KNL1: variants seen among roughly 807,000 people sequenced by gnomAD.
KNL1 encodes the protein outer kinetochore KNL1 complex subunit KNL1.
Under a neutral mutation model 201.3 loss-of-function variants are expected in KNL1, and 66 were observed. That is an observed-to-expected ratio of 0.33 (90% CI 0.27 to 0.40). KNL1 has a LOEUF of 0.40. KNL1 is among the 10% of genes least tolerant of loss of function. The pLI, the probability that KNL1 is intolerant of heterozygous loss-of-function variation, is 1.00. For missense variants in KNL1, 2,815 were observed against 2,690.5 expected, an observed-to-expected ratio of 1.05 and a Z score of -1.02; for synonymous variants, 895 against 899.2, an observed-to-expected ratio of 1.00 and a Z score of 0.08.
At chr15:40,656,700 A>G (rs978571427) in intron 22 of KNL1, among the ~76,000 whole-genome samples, 3 of 152,086 alleles carry the variant, frequency 2.0e-5, no homozygotes, top group African/African-American at 7.2e-5. Flanking sequence ...AGTCTGTCCA[A>G]AATGGTGAAG....
At chr15:40,642,360 C>G (rs1047650158) in intron 14 of KNL1, among the ~76,000 whole-genome samples, 3 of 151,092 alleles carry the variant, frequency 2.0e-5, no homozygotes, top group African/African-American at 7.3e-5. Context: ...GATCGCACCA[C>G]TGCACTCCAG....
chr15:40,636,254 A>G (rs926942547), intron 13 of KNL1, among the ~76,000 whole-genome samples: 12 of 152,192 alleles, frequency 7.9e-5, no homozygotes, highest in Non-Finnish European at 1.6e-4. Flanking sequence ...GGCTTTACAC[A>G]TGGTGCTGAA....
chr15:40,605,615 A>C (rs191277666), intron 3 of KNL1, among the ~76,000 whole-genome samples: 4 of 152,136 alleles, frequency 2.6e-5, no homozygotes, highest in Admixed American at 1.3e-4. Context: ...CGTGTGGCTA[A>C]TTTTTTTATT....
At chr15:40,613,747 C>T (rs796363146) in intron 7 of KNL1, among the ~76,000 whole-genome samples, 3 of 151,964 alleles carry the variant, frequency 2.0e-5, no homozygotes, top group African/African-American at 7.2e-5. Context: ...GCTAGGACTA[C>T]AGGTGTGCAC....
chr15:40,622,259 G>A lies in KNL1; in HGVS notation c.1995G>A (p.Glu665=), dbSNP rs766719626. Residue 665 remains glutamate, a synonymous_variant, in exon 10 of 26, where the codon GAG becomes GAA. Coordinates refer to ENST00000399668, the MANE Select transcript of KNL1 (RefSeq NM_144508.5). ...DSPQSADCNQ[E]IATSHNIVYC... Reference sequence around the variant, plus strand: ...CTCAGTCAGCTGATTGTAATCAGGAGATAGCAACAAGCCATAATATAGTCT... The same window carrying A: ...CTCAGTCAGCTGATTGTAATCAGGAAATAGCAACAAGCCATAATATAGTCT... 1 of 1,613,964 alleles carries A rather than the reference G, an allele frequency of 6.2e-7. No homozygotes were observed. The highest frequency in any genetic ancestry group is 8.5e-7 in the Non-Finnish European group (1 of 1,179,948).
chr15:40,606,043 A>T (rs1266374134), intron 3 of KNL1, among the ~76,000 whole-genome samples: 3 of 152,202 alleles, frequency 2.0e-5, no homozygotes. Flanking sequence ...TGTTAGCTTG[A>T]TTATCCTGAT....
chr15:40,662,845 A>C lies in KNL1; in HGVS notation c.*657A>C, dbSNP rs1595955115. ...CATGGTGGCTTGCGCCTGTGGTCCCAGCTACTTAGGAGCTTAAGGCAGGAG... is the reference window on the plus strand; with the variant it reads ...CATGGTGGCTTGCGCCTGTGGTCCCCGCTACTTAGGAGCTTAAGGCAGGAG... On this transcript the variant is annotated 3_prime_UTR_variant, in exon 26 of 26. Transcript: ENST00000399668. 5.7e-6 allele frequency: 1 copy of C among 175,292 alleles called. No individual in the cohort carries two copies. The highest frequency in any genetic ancestry group is 9.8e-5 in the East Asian group (1 of 10,190). The allele number at this position is 175,292 out of a possible 1,614,324, so 10.9% of individuals were successfully genotyped here. A position where few individuals can be genotyped will look rare whatever the true frequency, so the allele number is the denominator to read the frequency against.
Position 40,645,139 on chromosome 15 carries a change from T to C in KNL1, c.5889+52T>C, listed in dbSNP as rs182012354. On this transcript the variant is annotated intron_variant, in intron 15 of 25. Coordinates refer to ENST00000399668, the MANE Select transcript of KNL1 (RefSeq NM_144508.5). ...GAATCAGTGAAGACATTCTGAACGA[T>C]GTTTATTGTGAAATGAGTAACTGTT... 5.5e-4 allele frequency: 673 copies of C among 1,231,240 alleles called. 5 individuals carry two copies. The African/African-American group carries it at 8.7e-3, about 16-fold the overall frequency. 76.3% of individuals were successfully genotyped at this position (1,231,240 alleles called of 1,614,324 possible). A position where few individuals can be genotyped will look rare whatever the true frequency, so the allele number is the denominator to read the frequency against.
chr15:40,654,801 T>C, intron 21 of KNL1, 108 bp from the exon 22 acceptor site: 1 of 730,064 alleles, frequency 1.4e-6, no homozygotes, highest in African/African-American at 1.8e-5. Context: ...CCTGGGAGGC[T>C]GAGCTTGCAG....
At chr15:40,607,408 A>G (rs1892011346) in intron 4 of KNL1, among the ~76,000 whole-genome samples, 2 of 152,210 alleles carry the variant, frequency 1.3e-5, no homozygotes, top group African/African-American at 4.8e-5. Context: ...GGCTACCTGT[A>G]GCATCTTCTA....
At chr15:40,606,078 C>A (rs1025491482) in intron 3 of KNL1, among the ~76,000 whole-genome samples, 7 of 152,144 alleles carry the variant, frequency 4.6e-5, no homozygotes, top group South Asian at 2.1e-4. Flanking sequence ...CATTCCTGAA[C>A]AAATCATCAT....
chr15:40,619,474 T>G (rs535432629), intron 9 of KNL1, among the ~76,000 whole-genome samples: 2 of 152,086 alleles, frequency 1.3e-5, no homozygotes, highest in African/African-American at 4.8e-5. Flanking sequence ...CAATCTTGGC[T>G]CATTGCAGCC....
intron 9 of KNL1, 79 bp downstream of exon 9, chr15:40,619,090 C>T (rs1016917762): frequency 9.0e-6 from 9 of 996,402 alleles, no homozygotes; most frequent in Admixed American, 1.7e-5. Context: ...ATGATAATGG[C>T]ATAGTTTAGG....
At chr15:40,619,078 C>A in intron 9 of KNL1, 67 bp downstream of exon 9, 2 of 1,055,806 alleles carry the variant, frequency 1.9e-6, no homozygotes, top group Non-Finnish European at 3.0e-6. Context: ...AAACACAATT[C>A]AATGATAATG....
intron 17 of KNL1, 43 bp downstream of exon 17, chr15:40,647,117 A>G (rs1016394324): frequency 8.5e-6 from 8 of 936,876 alleles, no homozygotes; most frequent in East Asian, 2.4e-5. Flanking sequence ...ATTTAATTTT[A>G]TCTAAATGCT....
chr15:40,629,233 C>A, intron 12 of KNL1, 40 bp from the exon 13 acceptor site: 1 of 1,163,204 alleles, frequency 8.6e-7, no homozygotes, highest in Non-Finnish European at 1.2e-6. Flanking sequence ...AAAGTGAAAT[C>A]ACATTGAATG....
At chr15:40,600,472 T>G (rs999946861) in intron 1 of KNL1, among the ~76,000 whole-genome samples, 1 of 152,230 alleles carries the variant, frequency 6.6e-6, no homozygotes. Flanking sequence ...AAGTTAAATT[T>G]TGATCTCCCA....
chr15:40,659,960 G>C (rs899636264), intron 25 of KNL1, among the ~76,000 whole-genome samples: 2 of 147,462 alleles, frequency 1.4e-5, no homozygotes, highest in African/African-American at 5.0e-5. Context: ...CACCAGGCTG[G>C]AGTGCAGTGG....
chr15:40,598,923 C>T (rs1024677062), intron 1 of KNL1, among the ~76,000 whole-genome samples: 1 of 151,906 alleles, frequency 6.6e-6, no homozygotes, highest in African/African-American at 2.4e-5. Context: ...CCTGCCTCAC[C>T]CTCCCAAGTA....
Sources: allele counts gnomAD v4.1 joint callset (sites outside exome capture counted in the v4.1 genomes callset), GRCh38; gene constraint gnomAD v4.1.1; transcripts MANE v1.5; gene names NCBI Gene and HGNC (gene_info 2026-07-23, HGNC 2026-07-21).